The following GRIN2B variants were observed in gnomAD, a reference collection of about 807,000 sequenced individuals.
GRIN2B encodes glutamate receptor ionotropic, NMDA 2B.
Under a neutral mutation model 114.5 loss-of-function variants are expected in GRIN2B, and 5 were observed. The observed-to-expected ratio is 0.04, with a 90% CI of 0.02 to 0.09. The LOEUF (loss-of-function observed/expected upper bound fraction) is 0.09. GRIN2B is among the 10% of genes least tolerant of loss of function. The probability of loss-of-function intolerance (pLI) is 1.00; values close to 1 mark genes in which losing one functional copy is unlikely to be tolerated. For missense variants in GRIN2B, 1,108 were observed against 1,943.5 expected, an observed-to-expected ratio of 0.57 and a Z score of 8.08; for synonymous variants, 787 against 745.1, an observed-to-expected ratio of 1.06 and a Z score of -0.92.
intron 3 of GRIN2B, among the ~76,000 whole-genome samples, chr12:13,763,339 G>T (rs900356475): frequency 6.6e-6 from 1 of 152,100 alleles, no homozygotes; most frequent in Admixed American, 6.5e-5. Flanking sequence ...GTTCAGACAT[G>T]GCCACCCAGA....
At chr12:13,688,718 A>G (rs1950190549) in intron 4 of GRIN2B, among the ~76,000 whole-genome samples, 1 of 152,210 alleles carries the variant, frequency 6.6e-6, no homozygotes, top group Admixed American at 6.5e-5. Flanking sequence ...GGTTTGGTTA[A>G]TAGTGACAAA....
intron 2 of GRIN2B, among the ~76,000 whole-genome samples, chr12:13,934,558 G>C (rs1469173436): frequency 6.6e-6 from 1 of 152,294 alleles, no homozygotes; most frequent in East Asian, 1.9e-4. Flanking sequence ...ATTCCACAGT[G>C]CTTCTCCGTT....
intron 10 of GRIN2B, among the ~76,000 whole-genome samples, chr12:13,602,461 C>T (rs1270869644): frequency 6.6e-6 from 1 of 152,182 alleles, no homozygotes; most frequent in Non-Finnish European, 1.5e-5. Flanking sequence ...GGTTGGCTGT[C>T]TCCTGCTGGC....
At chr12:13,792,850 A>C (rs2136666420) in intron 3 of GRIN2B, among the ~76,000 whole-genome samples, 1 of 152,352 alleles carries the variant, frequency 6.6e-6, no homozygotes. Context: ...CAGATATTGC[A>C]CCTGAACTGT....
At chr12:13,824,855 CAAA>C (rs34417194) in intron 3 of GRIN2B, among the ~76,000 whole-genome samples, 7 of 95,112 alleles carry the variant, frequency 7.4e-5, no homozygotes, top group Admixed American at 2.6e-4. Flanking sequence ...GACTCCATTT[CAAA>C]AAAAAAAAAA....
intron 3 of GRIN2B, among the ~76,000 whole-genome samples, chr12:13,803,297 G>T (rs1193390971): frequency 6.6e-6 from 1 of 152,002 alleles, no homozygotes; most frequent in East Asian, 1.9e-4. Context: ...GTGGGAGGTT[G>T]GTTCCCCTAA....
At chr12:13,976,664 T>C (rs1273057709) in intron 2 of GRIN2B, among the ~76,000 whole-genome samples, 1 of 152,204 alleles carries the variant, frequency 6.6e-6, no homozygotes, top group Admixed American at 6.5e-5. Context: ...ACCTGTCTCC[T>C]TTTATAGTCC....
intron 2 of GRIN2B, among the ~76,000 whole-genome samples, chr12:13,913,282 T>A (rs1204407146): frequency 6.6e-6 from 1 of 152,174 alleles, no homozygotes; most frequent in African/African-American, 2.4e-5. Flanking sequence ...TCAACACCCC[T>A]GATGCCCTTC....
In GRIN2B at chr12:13,547,107, T is replaced by C. The variant is rs1948354307; in HGVS notation, c.*15676A>G. 6.6e-6 allele frequency: 1 copy of C among 152,082 alleles called. No individual in the cohort carries two copies. The highest frequency in any genetic ancestry group is 1.5e-5 in the Non-Finnish European group (1 of 68,030). 9.4% of individuals were successfully genotyped at this position (152,082 alleles called of 1,614,324 possible). ...TCTTTTAACAGTCTGATAGTTTAGA[T>C]AAGAATACAGTTTAAGGGATATATC... On this transcript the variant is annotated 3_prime_UTR_variant, in exon 14 of 14. Coordinates refer to ENST00000609686, the MANE Select transcript of GRIN2B (RefSeq NM_000834.5).
At chr12:13,780,937 G>T (rs1282248537) in intron 3 of GRIN2B, among the ~76,000 whole-genome samples, 4 of 151,394 alleles carry the variant, frequency 2.6e-5, no homozygotes, top group Non-Finnish European at 4.4e-5. Flanking sequence ...TTTTATAGAT[G>T]TAGTATGAAA....
intron 4 of GRIN2B, among the ~76,000 whole-genome samples, chr12:13,686,464 G>T (rs1040974817): frequency 6.6e-6 from 1 of 151,954 alleles, no homozygotes; most frequent in Non-Finnish European, 1.5e-5. Flanking sequence ...CTTTGTCAGG[G>T]GATCCTAGCT....
chr12:13,868,945 T>G (rs1865866117), intron 2 of GRIN2B, among the ~76,000 whole-genome samples: 1 of 152,172 alleles, frequency 6.6e-6, no homozygotes, highest in African/African-American at 2.4e-5. Context: ...AGGGAAAGCA[T>G]GTAGTCCAAG....
At chr12:13,840,437 G>A (rs527821221) in intron 3 of GRIN2B, among the ~76,000 whole-genome samples, 6 of 152,130 alleles carry the variant, frequency 3.9e-5, no homozygotes, top group African/African-American at 1.4e-4. Flanking sequence ...AAAGATACCT[G>A]ATTTAGATCC....
chr12:13,658,510 A>C (rs1252811024), intron 5 of GRIN2B, among the ~76,000 whole-genome samples: 2 of 150,560 alleles, frequency 1.3e-5, no homozygotes, highest in Non-Finnish European at 3.0e-5. Flanking sequence ...CCACGGTTTA[A>C]GGTATTTTCC....
intron 3 of GRIN2B, among the ~76,000 whole-genome samples, chr12:13,794,207 C>CAAAAAA (rs3082833): frequency 1.9e-5 from 2 of 103,002 alleles, no homozygotes; most frequent in Non-Finnish European, 3.8e-5. Flanking sequence ...GACTCTGTCT[C>CAAAAAA]AAAAAAAAAA....
chr12:13,937,510 A>C (rs1245179883), intron 2 of GRIN2B, among the ~76,000 whole-genome samples: 1 of 152,080 alleles, frequency 6.6e-6, no homozygotes, highest in Admixed American at 6.5e-5. Flanking sequence ...AAGAAAAAAA[A>C]AGAGAAAAAA....
chr12:13,906,252 T>A (rs1866532621), intron 2 of GRIN2B, among the ~76,000 whole-genome samples: 1 of 152,182 alleles, frequency 6.6e-6, no homozygotes, highest in South Asian at 2.1e-4. Flanking sequence ...ACATACTCCA[T>A]CTTGTACCTG....
At chr12:13,605,775 A>C (rs1465740897) in intron 10 of GRIN2B, among the ~76,000 whole-genome samples, 1 of 152,150 alleles carries the variant, frequency 6.6e-6, no homozygotes, top group Admixed American at 6.5e-5. Context: ...AAAAACATTC[A>C]GTTGTTACTG....
rs757954618 is a variant in GRIN2B at position 13,562,859 on chromosome 12, T to C, written c.4379A>G (p.Lys1460Arg). Residue 1460 changes from lysine (K) to arginine (R), a missense_variant, in exon 14 of 14, where the codon AAA becomes AGA. Coordinates refer to ENST00000609686, the MANE Select transcript of GRIN2B (RefSeq NM_000834.5). ...GGAGCCATTGAAAGCCCTGGGGTTT[T>C]TGTTGTTAGGCACACAGGGGTTGGA... is the stretch of plus-strand genomic sequence containing the variant. ...NQSNPCVPNN[K>R]NPRAFNGSSN... is the part of the protein sequence containing the mutation. 1 of 1,614,186 alleles carries C rather than the reference T, an allele frequency of 6.2e-7. No homozygotes were observed. The highest frequency in any genetic ancestry group is 8.5e-7 in the Non-Finnish European group (1 of 1,180,002).
Sources: gnomAD v4.1 joint callset for allele counts (sites outside exome capture counted in the v4.1 genomes callset) on GRCh38, gnomAD v4.1.1 for gene constraint, MANE v1.5 for transcripts, NCBI Gene and HGNC (gene_info 2026-07-23, HGNC 2026-07-21) for gene names.